Variants in CUBN observed in about 807,000 individuals in gnomAD.
The protein encoded by CUBN is 460 kDa receptor.
CUBN carries 282 observed loss-of-function variants against 405.3 expected under a neutral mutation model. The observed-to-expected ratio is 0.70, with a 90% CI of 0.63 to 0.77. The LOEUF is 0.77. Ranked by LOEUF, CUBN falls within the 30% of genes least tolerant of loss-of-function variation. The probability of loss-of-function intolerance (pLI) is 0.00; values close to 1 mark genes in which losing one functional copy is unlikely to be tolerated. For missense variants in CUBN, 4,514 were observed against 4,475.2 expected (o/e 1.01, Z -0.25); for synonymous variants, 1,684 against 1,617.0 (o/e 1.04, Z -0.99).
intron 28 of CUBN, among the ~76,000 whole-genome samples, chr10:16,992,903 A>G (rs1289223420): frequency 6.6e-6 from 1 of 152,202 alleles, no homozygotes; most frequent in Non-Finnish European, 1.5e-5. Context: ...ATGAGAAAAT[A>G]TTTGTCCGAC....
At chr10:17,044,082 T>C (rs1835070729) in intron 25 of CUBN, 99 bp from the exon 26 acceptor site, 3 of 479,530 alleles carry the variant, frequency 6.3e-6, no homozygotes, top group Non-Finnish European at 1.1e-5. Context: ...TATATATATT[T>C]ATTATGTATA....
At chr10:16,848,499 G>T (rs1352379416) in intron 60 of CUBN, among the ~76,000 whole-genome samples, 1 of 152,020 alleles carries the variant, frequency 6.6e-6, no homozygotes, top group Non-Finnish European at 1.5e-5. Context: ...ACTATTATGT[G>T]ATTTAAAGAA....
rs114249988 is a variant in CUBN, at chr10:16,831,468, A to G, written c.10363-51T>C. On this transcript the variant is annotated intron_variant, in intron 64 of 66. Transcript: ENST00000377833. ...AAACTTACACTTTCTTCTCTAAGGTATATACATTAAAATGGAGACAATTTG... is the reference window on the plus strand; with the variant it reads ...AAACTTACACTTTCTTCTCTAAGGTGTATACATTAAAATGGAGACAATTTG... 2,513 of 1,465,948 alleles carry G rather than the reference A, an allele frequency of 1.7e-3. 30 individuals carry two copies. In the African/African-American group the frequency reaches 0.028, roughly 16 times the overall value. 90.8% of individuals were successfully genotyped at this position (1,465,948 alleles called of 1,614,324 possible).
At chr10:17,048,028 C>T (rs1298643789) in intron 22 of CUBN, among the ~76,000 whole-genome samples, 3 of 152,204 alleles carry the variant, frequency 2.0e-5, no homozygotes, top group Non-Finnish European at 2.9e-5. Flanking sequence ...ACCTCCACCA[C>T]GGGGTGAAGA....
intron 28 of CUBN, among the ~76,000 whole-genome samples, chr10:17,007,752 G>A (rs918676238): frequency 1.3e-5 from 2 of 152,174 alleles, no homozygotes; most frequent in Non-Finnish European, 2.9e-5. Context: ...TAGCGGGGCT[G>A]TCCTGAGCCC....
At chr10:16,863,895 G>A (rs1362560160) in intron 59 of CUBN, among the ~76,000 whole-genome samples, 2 of 152,026 alleles carry the variant, frequency 1.3e-5, no homozygotes, top group African/African-American at 4.8e-5. Context: ...AAGGTAACAG[G>A]CAAAAACTCA....
At chr10:16,966,250 G>C (rs1208317193) in intron 31 of CUBN, among the ~76,000 whole-genome samples, 1 of 152,184 alleles carries the variant, frequency 6.6e-6, no homozygotes, top group Non-Finnish European at 1.5e-5. Flanking sequence ...GGGATTCCCA[G>C]CATGGCTCAC....
intron 6 of CUBN, among the ~76,000 whole-genome samples, chr10:17,121,279 G>C (rs904818880): frequency 7.2e-5 from 11 of 151,984 alleles, no homozygotes; most frequent in African/African-American, 2.7e-4. Flanking sequence ...AAAAACAAAA[G>C]TATCAAATAA....
intron 32 of CUBN, among the ~76,000 whole-genome samples, chr10:16,954,135 T>G (rs1250737352): frequency 6.6e-6 from 1 of 152,176 alleles, no homozygotes; most frequent in Non-Finnish European, 1.5e-5. Context: ...AAAACTTTTT[T>G]ATACTGTTTC....
intron 26 of CUBN, 136 bp downstream of exon 26, chr10:17,043,691 C>T: frequency 8.3e-7 from 1 of 1,207,846 alleles, no homozygotes; most frequent in Non-Finnish European, 1.2e-6. Flanking sequence ...CAGTTTGTTT[C>T]AAGAATTTGA....
chr10:17,024,810 A>T (rs1834611329), intron 27 of CUBN, among the ~76,000 whole-genome samples: 1 of 151,880 alleles, frequency 6.6e-6, no homozygotes, highest in Admixed American at 6.6e-5. Flanking sequence ...CCAGCCCCAA[A>T]CTCATTTTAG....
At chr10:16,972,544 C>G (rs1271925638) in intron 31 of CUBN, among the ~76,000 whole-genome samples, 2 of 151,648 alleles carry the variant, frequency 1.3e-5, no homozygotes, top group African/African-American at 4.9e-5. Flanking sequence ...CTCAAGCCAT[C>G]CTCCCACCTC....
chr10:16,962,003 C>T lies in CUBN; in HGVS notation c.4696-7455G>A, dbSNP rs143617278. 1.9e-4 allele frequency among the ~76,000 whole-genome samples: 29 copies of T among 152,254 alleles called. No homozygotes were observed. In the East Asian group the frequency reaches 4.1e-3, roughly 21 times the overall value. ...CTGGGATTACAGGCGTGAGCCATGGCGCCCGGCCGGAAAAGCAATCTTTAT... is the reference window on the plus strand; with the variant it reads ...CTGGGATTACAGGCGTGAGCCATGGTGCCCGGCCGGAAAAGCAATCTTTAT... On this transcript the variant is annotated intron_variant, in intron 31 of 66. Transcript: ENST00000377833.
Position 16,937,617 on chromosome 10 carries a change from A to C in CUBN, c.5901T>G (p.Asp1967Glu). 2 of 1,614,046 alleles carry C rather than the reference A, an allele frequency of 1.2e-6. No homozygotes were observed. The highest frequency in any genetic ancestry group is 1.7e-6 in the Non-Finnish European group (2 of 1,179,962). ...CTGGAGCAATGGTAGGTAAAACACC[A>C]TCAGGTGCATCCACTGCAAACCACT... is the stretch of plus-strand genomic sequence containing the variant. ...LLEWFAVDAPDGVLPTIAPGA... is the reference protein window; with the variant it reads ...LLEWFAVDAPEGVLPTIAPGA... Residue 1967 changes from aspartate (D) to glutamate (E), a missense_variant, in exon 39 of 67, where the codon GAT becomes GAG. Transcript: ENST00000377833.
chr10:16,979,553 C>A (rs1266328402), intron 31 of CUBN, among the ~76,000 whole-genome samples: 1 of 152,192 alleles, frequency 6.6e-6, no homozygotes, highest in Admixed American at 6.5e-5. Flanking sequence ...CTACAACCAT[C>A]TGATCTTTAA....
At chr10:16,906,803 G>A (rs557898469) in intron 49 of CUBN, among the ~76,000 whole-genome samples, 5 of 152,210 alleles carry the variant, frequency 3.3e-5, no homozygotes, top group South Asian at 2.1e-4. Context: ...AAATCAAACA[G>A]ATAATAGGAC....
In CUBN at chr10:16,870,097, A is replaced by T. The variant is rs117877650; in HGVS notation, c.9237-244T>A. 2.5e-4 allele frequency among the ~76,000 whole-genome samples: 38 copies of T among 152,358 alleles called. 1 individual carries two copies. In the East Asian group the frequency reaches 6.9e-3, roughly 28 times the overall value. On this transcript the variant is annotated intron_variant, in intron 58 of 66. Coordinates refer to ENST00000377833, the MANE Select transcript of CUBN (RefSeq NM_001081.4). ...AGCAGCTGGGGATGTCAAAGTGAGT[A>T]AGATACAGTCTTACTTTTCAAGGAA...
chr10:16,894,327 A>T (rs1841117899), intron 54 of CUBN, among the ~76,000 whole-genome samples: 1 of 151,492 alleles, frequency 6.6e-6, no homozygotes, highest in Admixed American at 6.6e-5. Flanking sequence ...TTTTTTCTCT[A>T]GAAGTTTTAT....
intron 65 of CUBN, 79 bp from the exon 66 acceptor site, chr10:16,829,119 T>C (rs1267781971): frequency 1.9e-6 from 2 of 1,041,320 alleles, no homozygotes; most frequent in East Asian, 2.6e-5. Context: ...AATAAGACTT[T>C]ATTTTCTTAA....
Sources: gnomAD v4.1 joint callset for allele counts (sites outside exome capture counted in the v4.1 genomes callset) on GRCh38, gnomAD v4.1.1 for gene constraint, MANE v1.5 for transcripts, NCBI Gene and HGNC (gene_info 2026-07-23, HGNC 2026-07-21) for gene names.